The following CEP63 variants were observed in gnomAD, a reference collection of about 807,000 sequenced individuals.
The protein encoded by CEP63 is centrosomal protein 63, also known as centrosomal protein of 63 kDa.
Under a neutral mutation model 89.1 loss-of-function variants are expected in CEP63, and 84 were observed. That is an observed-to-expected ratio of 0.94 (90% CI 0.79 to 1.13). The LOEUF (loss-of-function observed/expected upper bound fraction) is 1.13. Among genes scored for constraint, CEP63 ranks in the 50% most tolerant of loss-of-function variants. The probability of loss-of-function intolerance (pLI) is 0.00; values close to 1 mark genes in which losing one functional copy is unlikely to be tolerated. For synonymous variants in CEP63, 267 were observed against 272.5 expected, an observed-to-expected ratio of 0.98 and a Z score of 0.20; for missense variants, 838 against 813.3, an observed-to-expected ratio of 1.03 and a Z score of -0.37.
At chr3:134,644,220 A>G in the CEP63 span, among the ~76,000 whole-genome samples, 1 of 152,164 alleles carries the variant, frequency 6.6e-6, no homozygotes, top group Non-Finnish European at 1.5e-5. Context: ...TCTGTTTCAC[A>G]AACATTTGCA....
Position 134,564,322 on chromosome 3 carries a change from T to C in CEP63, c.*2787T>C. The C allele has an allele frequency of 1.0e-6, 1 of 985,434 alleles. No homozygotes were observed. The highest frequency in any genetic ancestry group is 1.2e-6 in the Non-Finnish European group (1 of 829,944). 61.0% of individuals were successfully genotyped at this position (985,434 alleles called of 1,614,324 possible). A position where few individuals can be genotyped will look rare whatever the true frequency, so the allele number is the denominator to read the frequency against. ...ATGCTGTCCTTCAGTTTGTCTCCTC[T>C]TCCCACACCCTGTCATGTGCTCCTA... On this transcript the variant is annotated 3_prime_UTR_variant, in exon 15 of 15. Coordinates refer to ENST00000675561, the MANE Select transcript of CEP63 (RefSeq NM_001353108.3).
the CEP63 span, among the ~76,000 whole-genome samples, chr3:134,632,063 A>G: frequency 6.6e-6 from 1 of 152,128 alleles, no homozygotes; most frequent in Non-Finnish European, 1.5e-5. Flanking sequence ...TAGCAAGAAG[A>G]CATAACAACC....
At chr3:134,610,137 T>C in the CEP63 span, 5 of 1,549,500 alleles carry the variant, frequency 3.2e-6, no homozygotes, top group East Asian at 1.1e-4. Flanking sequence ...TCATGCTGCC[T>C]GGCACATCCT....
chr3:134,772,425 C>T, the CEP63 span, among the ~76,000 whole-genome samples: 1 of 152,168 alleles, frequency 6.6e-6, no homozygotes, highest in Admixed American at 6.5e-5. Flanking sequence ...ACACCTTGTA[C>T]AGGTGCCAGT....
chr3:134,733,623 T>C, the CEP63 span, among the ~76,000 whole-genome samples: 1 of 150,474 alleles, frequency 6.6e-6, no homozygotes, highest in Non-Finnish European at 1.5e-5. Context: ...ACACAGGGAG[T>C]GGGGGAGAAC....
chr3:134,702,416 G>C, the CEP63 span, among the ~76,000 whole-genome samples: 2 of 150,032 alleles, frequency 1.3e-5, no homozygotes, highest in South Asian at 4.2e-4. Flanking sequence ...GAATAGCCAA[G>C]GTAATCCTAA....
chr3:134,530,762 C>G (rs1949708345), intron 3 of CEP63, among the ~76,000 whole-genome samples: 1 of 152,144 alleles, frequency 6.6e-6, no homozygotes, highest in East Asian at 1.9e-4. Context: ...ATGACTTTTT[C>G]AAGTTTCTTA....
At chr3:134,559,999 C>T (rs1957052947) in intron 14 of CEP63, among the ~76,000 whole-genome samples, 1 of 152,238 alleles carries the variant, frequency 6.6e-6, no homozygotes, top group Admixed American at 6.5e-5. Context: ...CCCTTCATTT[C>T]CTGTCACCAG....
the CEP63 span, among the ~76,000 whole-genome samples, chr3:134,667,280 CAA>C: frequency 6.6e-6 from 1 of 152,078 alleles, no homozygotes; most frequent in South Asian, 2.1e-4. Context: ...GGTACTCTAA[CAA>C]AACAGAGCCT....
intron 6 of CEP63, among the ~76,000 whole-genome samples, chr3:134,544,885 T>A (rs1414538762): frequency 6.6e-6 from 1 of 152,166 alleles, no homozygotes; most frequent in Non-Finnish European, 1.5e-5. Context: ...TCTTACTTTG[T>A]CACGCAGGCC....
intron 3 of CEP63, among the ~76,000 whole-genome samples, chr3:134,520,338 A>C (rs1374760450): frequency 6.6e-6 from 1 of 152,200 alleles, no homozygotes; most frequent in Admixed American, 6.5e-5. Context: ...TCAAAAAAGC[A>C]CCAAATAGAG....
chr3:134,722,917 G>T, the CEP63 span, among the ~76,000 whole-genome samples: 1 of 152,210 alleles, frequency 6.6e-6, no homozygotes, highest in Admixed American at 6.5e-5. Context: ...CAGTGGAGCA[G>T]AGCAAAAGCT....
chr3:134,500,963 A>T (rs1015823190), intron 2 of CEP63, among the ~76,000 whole-genome samples: 2 of 105,116 alleles, frequency 1.9e-5, no homozygotes, highest in African/African-American at 6.5e-5. Context: ...TAGGATTCTT[A>T]TAGTTTGAGA....
the CEP63 span, among the ~76,000 whole-genome samples, chr3:134,737,769 T>A: frequency 6.6e-6 from 1 of 152,224 alleles, no homozygotes; most frequent in South Asian, 2.1e-4. Context: ...CCAGCTGGAA[T>A]GGCTCAATGT....
chr3:134,621,423 G>A, the CEP63 span, among the ~76,000 whole-genome samples: 13 of 152,322 alleles, frequency 8.5e-5, no homozygotes, highest in East Asian at 2.3e-3. Flanking sequence ...CATATCTACG[G>A]TTAGTGGATC....
At chr3:134,514,934 G>T (rs1314817005) in intron 3 of CEP63, among the ~76,000 whole-genome samples, 1 of 152,128 alleles carries the variant, frequency 6.6e-6, no homozygotes, top group Non-Finnish European at 1.5e-5. Flanking sequence ...GCCCAGGCTG[G>T]ACTCGAACTC....
intron 9 of CEP63, 138 bp downstream of exon 9, chr3:134,547,610 A>ATTTTTT: frequency 8.8e-6 from 2 of 226,812 alleles, no homozygotes; most frequent in Admixed American, 1.4e-4. Flanking sequence ...CTAAGTTCTT[A>ATTTTTT]TTTCTTTTTT....
chr3:134,537,536 C>T lies in CEP63; in HGVS notation c.555+268C>T, dbSNP rs192787731. On this transcript the variant is annotated intron_variant, in intron 6 of 14. Coordinates refer to ENST00000675561, the MANE Select transcript of CEP63 (RefSeq NM_001353108.3). ...CCTCCTTGCTTGTTTCTGACTTGCT[C>T]ACCCACTCTCTGTCATTGTCTTGCT... 2.6e-5 allele frequency among the ~76,000 whole-genome samples: 4 copies of T among 152,254 alleles called. No homozygotes were observed. The East Asian group carries it at 5.8e-4, about 22-fold the overall frequency.
intron 3 of CEP63, chr3:134,510,646 A>G: frequency 1.5e-6 from 1 of 648,046 alleles, no homozygotes. Context: ...GAGTGCACTC[A>G]CTCTCCCTTC....
Sources: gnomAD v4.1 joint callset for allele counts (sites outside exome capture counted in the v4.1 genomes callset) on GRCh38, gnomAD v4.1.1 for gene constraint, MANE v1.5 for transcripts, NCBI Gene and HGNC (gene_info 2026-07-23, HGNC 2026-07-21) for gene names.